The following DIDO1 variants were observed in gnomAD, a reference collection of about 807,000 sequenced individuals.
DIDO1 encodes death-inducer obliterator 1.
A neutral mutation model predicts 99.4 loss-of-function variants in DIDO1; 16 were observed. That is an observed-to-expected ratio of 0.16 (90% CI 0.11 to 0.24). The LOEUF (loss-of-function observed/expected upper bound fraction) is 0.24, where lower values mean the gene tolerates loss of function less well. DIDO1 is among the 10% of genes least tolerant of loss of function. The pLI is 1.00. For missense variants in DIDO1, 2,996 were observed against 3,014.0 expected (o/e 0.99, Z 0.14); for synonymous variants, 1,366 against 1,239.1 (o/e 1.10, Z -2.15).
At position 62,879,401 on chromosome 20, in the gene DIDO1, C is replaced by A; in HGVS notation, c.6555G>T (p.Arg2185=). ...RSRNRERERD[R]RRDRDRSRSR... is the part of the protein sequence containing the mutation. ...TCCGGGACCGGTCCCGGTCGCGCCT[C>A]CGGTCTCGCTCGCGCTCTCGGTTCC... Residue 2185 remains arginine (R), a synonymous_variant, in exon 16 of 16, where the codon CGG becomes CGT. Transcript: ENST00000395343. The surrounding 1 kb of genome is among the most constrained non-coding windows in gnomAD (Gnocchi z 6.3). 3.9e-6 allele frequency: 6 copies of A among 1,543,980 alleles called. No individual in the cohort carries two copies. The highest frequency in any genetic ancestry group is 5.2e-6 in the Non-Finnish European group (6 of 1,148,010).
chr20:62,919,807 C>G (rs2065103060), intron 1 of DIDO1, among the ~76,000 whole-genome samples: 1 of 152,258 alleles, frequency 6.6e-6, no homozygotes, highest in Admixed American at 6.5e-5. Flanking sequence ...CTATCTACTT[C>G]CTAGTGCAAA....
intron 1 of DIDO1, among the ~76,000 whole-genome samples, chr20:62,918,476 T>C (rs2065077267): frequency 6.6e-6 from 1 of 152,248 alleles, no homozygotes; most frequent in Non-Finnish European, 1.5e-5. Flanking sequence ...GAGACTAGTT[T>C]CTGAGTAATT....
At chr20:62,916,484 G>C (rs2065040393) in intron 1 of DIDO1, among the ~76,000 whole-genome samples, 1 of 152,112 alleles carries the variant, frequency 6.6e-6, no homozygotes, top group Non-Finnish European at 1.5e-5. Context: ...AAGAGCTTTT[G>C]TTTATGTGGA....
In DIDO1 at chr20:62,879,773, G is replaced by A; in HGVS notation, c.6183C>T (p.Ala2061=). 3.1e-6 allele frequency: 5 copies of A among 1,611,570 alleles called. No individual in the cohort carries two copies. Among genetic ancestry groups the A allele is most frequent in the Non-Finnish European group, 2.5e-6 (3 of 1,179,788 alleles). ...AGTCGGCCGATGCCCACTGTCCGTC[G>A]GCCTCGGGGCCCTGTCCGGGCGCAC... ...SSSAPGQGPE[A]DGQWASADFR... Residue 2061 remains alanine (A), a synonymous_variant, in exon 16 of 16, where the codon GCC becomes GCT. Transcript: ENST00000395343. The surrounding 1 kb of genome is among the most constrained non-coding windows in gnomAD (Gnocchi z 6.3).
At position 62,879,106 on chromosome 20, in the gene DIDO1, A is replaced by T; in HGVS notation, c.*127T>A. The stretch of plus-strand genomic sequence containing the variant: ...ATCTTGTAAGAAACCATTTACACAA[A>T]ATTACAGTAATGTTTAAGTCCAGAA... On this transcript the variant is annotated 3_prime_UTR_variant, in exon 16 of 16. Coordinates refer to ENST00000395343, the MANE Select transcript of DIDO1 (RefSeq NM_001193369.2). The surrounding 1 kb of genome is among the most constrained non-coding windows in gnomAD (Gnocchi z 6.3). 1 of 842,584 alleles carries T rather than the reference A, an allele frequency of 1.2e-6. No homozygotes were observed. The highest frequency in any genetic ancestry group is 1.7e-6 in the Non-Finnish European group (1 of 601,620). 52.2% of individuals were successfully genotyped at this position (842,584 alleles called of 1,614,324 possible). A position where few individuals can be genotyped will look rare whatever the true frequency, so the allele number is the denominator to read the frequency against.
intron 15 of DIDO1, among the ~76,000 whole-genome samples, chr20:62,884,814 ACT>A (rs1003861994): frequency 4.0e-5 from 6 of 151,160 alleles, no homozygotes; most frequent in Non-Finnish European, 7.4e-5. Flanking sequence ...CCTCCTCTTC[ACT>A]CTCTGTCCCC....
At chr20:62,933,136 G>A (rs1475310645) in intron 1 of DIDO1, among the ~76,000 whole-genome samples, 3 of 152,136 alleles carry the variant, frequency 2.0e-5, no homozygotes, top group South Asian at 4.1e-4. Flanking sequence ...CGCTTAAACC[G>A]GTAGGCGGAG....
intron 2 of DIDO1, among the ~76,000 whole-genome samples, chr20:62,913,064 A>AT (rs542300954): frequency 2.0e-5 from 3 of 152,286 alleles, no homozygotes; most frequent in African/African-American, 7.2e-5. Flanking sequence ...AAAATGGAAA[A>AT]TTACTTGCAA....
At chr20:62,885,135 G>A (rs932915945) in intron 15 of DIDO1, among the ~76,000 whole-genome samples, 10 of 152,226 alleles carry the variant, frequency 6.6e-5, no homozygotes, top group Non-Finnish European at 1.0e-4. Context: ...ACGCCCTGGG[G>A]TGAAGGGCAC....
intron 1 of DIDO1, among the ~76,000 whole-genome samples, chr20:62,937,415 C>T (rs1242070650): frequency 2.0e-5 from 3 of 152,192 alleles, no homozygotes; most frequent in African/African-American, 7.2e-5. Context: ...CCCGCGCCGC[C>T]GCCGGGACTC....
rs201786226 is a variant in DIDO1, at chr20:62,879,295, C to T, written c.6661G>A (p.Ala2221Thr). 17 of 1,579,582 alleles carry T rather than the reference C, an allele frequency of 1.1e-5. No homozygotes were observed. Among genetic ancestry groups the T allele is most frequent in the African/African-American group, 6.7e-5 (5 of 74,088 alleles). ...GAGGCCTCGGGCTTCGGGTCCCGAG[C>T]GCTCTCTTTGCTCTTGCTCCGGTCC... The part of the protein sequence containing the change: ...RKDRSKSKES[A>T]RDPKPEASRA... Residue 2221 changes from alanine to threonine, a missense_variant, in exon 16 of 16, where the codon GCT becomes ACT. Ala to Thr is a moderately conservative substitution (Grantham distance 58). Around this residue, in one of 5 missense-constraint regions of DIDO1, gnomAD observed 1,562 missense variants for 1,412.6 expected, o/e 1.11. Transcript: ENST00000395343. This position sits in a 1 kb window ranked among gnomAD's most constrained non-coding sequence, Gnocchi z 6.3.
upstream of DIDO1, chr20:62,928,492 G>A (rs1382386497): frequency 2.6e-5 from 4 of 152,184 alleles, no homozygotes; most frequent in Non-Finnish European, 4.4e-5. Flanking sequence ...CCACCTACAA[G>A]GTGACGAAGT....
chr20:62,933,245 G>T (rs958527445), intron 1 of DIDO1, among the ~76,000 whole-genome samples: 1 of 152,142 alleles, frequency 6.6e-6, no homozygotes, highest in East Asian at 1.9e-4. Flanking sequence ...AATATGTGCA[G>T]CAGACTAAAT....
At chr20:62,913,871 A>G (rs2064992613) in intron 2 of DIDO1, among the ~76,000 whole-genome samples, 1 of 152,258 alleles carries the variant, frequency 6.6e-6, no homozygotes, top group African/African-American at 2.4e-5. Flanking sequence ...CTATTTGCAC[A>G]TGACCTATGC....
chr20:62,913,379 G>A (rs6010787), intron 2 of DIDO1, among the ~76,000 whole-genome samples: 5,569 of 152,162 alleles, frequency 0.037, 339 homozygotes, highest in African/African-American at 0.13. Flanking sequence ...AAACAGAAAG[G>A]GGGGCTTCCT....
intron 1 of DIDO1, among the ~76,000 whole-genome samples, chr20:62,917,212 G>A (rs2065053485): frequency 6.6e-6 from 1 of 150,814 alleles, no homozygotes; most frequent in South Asian, 2.1e-4. Flanking sequence ...ATTTTTTTTT[G>A]TAGAGACAGG....
rs1257607927 is a variant in DIDO1 at position 62,880,218 on chromosome 20, C to G, written c.5738G>C (p.Gly1913Ala). 2.5e-6 allele frequency: 4 copies of G among 1,612,480 alleles called. No individual in the cohort carries two copies. In the Admixed American group the frequency reaches 6.7e-5, roughly 27 times the overall value. Reference sequence around the variant, plus strand: ...ACCAGGGGGTGGTCCTCTCTGACCTCCAAACTGAGAGGGAGGGGGGCCGCC... The same window carrying G: ...ACCAGGGGGTGGTCCTCTCTGACCTGCAAACTGAGAGGGAGGGGGGCCGCC... ...PRGGPPPSQF[G>A]GQRGPPPGHF... Residue 1913 changes from glycine (G) to alanine (A), a missense_variant, in exon 16 of 16, where the codon GGA (glycine) becomes GCA (alanine). This residue lies in a region of DIDO1 where 1,562 missense variants were observed against 1,412.6 expected (regional missense o/e 1.11). Coordinates refer to ENST00000395343, the MANE Select transcript of DIDO1 (RefSeq NM_001193369.2).
intron 2 of DIDO1, among the ~76,000 whole-genome samples, chr20:62,912,921 A>G (rs974349499): frequency 1.3e-5 from 2 of 152,236 alleles, no homozygotes; most frequent in African/African-American, 4.8e-5. Context: ...AATCCCAGAT[A>G]CTTGGGAGGC....
At chr20:62,895,543 AAAGG>A (rs1211660087) in intron 8 of DIDO1, among the ~76,000 whole-genome samples, 4 of 152,270 alleles carry the variant, frequency 2.6e-5, no homozygotes, top group African/African-American at 9.6e-5. Context: ...CGTCAGGAAC[AAAGG>A]AAGGAAGAAA....
Sources: allele counts gnomAD v4.1 joint callset (sites outside exome capture counted in the v4.1 genomes callset), GRCh38; gene constraint gnomAD v4.1.1; regional missense constraint gnomAD v4.1.1; non-coding constraint Gnocchi (gnomAD v3.1); transcripts MANE v1.5; gene names NCBI Gene and HGNC (gene_info 2026-07-23, HGNC 2026-07-21).